The following CKAP2L variants were observed in gnomAD, a reference collection of about 807,000 sequenced individuals.
CKAP2L encodes the protein cytoskeleton associated protein 2L.
A neutral mutation model predicts 65.7 loss-of-function variants in CKAP2L; 42 were observed. The observed-to-expected ratio is 0.64, with a 90% CI of 0.50 to 0.83. The LOEUF is 0.83. Ranked by LOEUF, CKAP2L falls within the 40% of genes least tolerant of loss-of-function variation. CKAP2L has a pLI of 0.00. For synonymous variants in CKAP2L, 325 were observed against 313.5 expected (o/e 1.04, Z -0.39); for missense variants, 908 against 871.0 (o/e 1.04, Z -0.53).
intron 8 of CKAP2L, among the ~76,000 whole-genome samples, chr2:112,739,364 T>G (rs1226347392): frequency 6.6e-6 from 1 of 152,136 alleles, no homozygotes; most frequent in African/African-American, 2.4e-5. Flanking sequence ...AAGGCTGCAG[T>G]GAGCTATGAT....
intron 2 of CKAP2L, among the ~76,000 whole-genome samples, chr2:112,761,204 T>C (rs1233517652): frequency 6.6e-6 from 1 of 152,122 alleles, no homozygotes; most frequent in Non-Finnish European, 1.5e-5. Context: ...CTCACGCCTG[T>C]AATCCCAGCA....
intron 4 of CKAP2L, among the ~76,000 whole-genome samples, chr2:112,753,489 C>T (rs1286101739): frequency 4.6e-5 from 7 of 151,962 alleles, no homozygotes; most frequent in Middle Eastern, 3.4e-3. Flanking sequence ...TGTCACTCAC[C>T]CCCTCCAGGA....
chr2:112,738,700 A>T lies in CKAP2L; in HGVS notation c.*123T>A. 1 of 656,322 alleles carries T rather than the reference A, an allele frequency of 1.5e-6. No homozygotes were observed. Among genetic ancestry groups the T allele is most frequent in the Non-Finnish European group, 2.7e-6 (1 of 375,810 alleles). The allele number at this position is 656,322 out of a possible 1,614,324, so 40.7% of individuals were successfully genotyped here. Reference sequence around the variant, plus strand: ...TGAGAGTAAGCCCAGTGAATTACTTAAGTCCTGAGCGTCCATAATCTGCAT... The same window carrying T: ...TGAGAGTAAGCCCAGTGAATTACTTTAGTCCTGAGCGTCCATAATCTGCAT... On this transcript the variant is annotated 3_prime_UTR_variant, in exon 9 of 9. Transcript: ENST00000302450.
In CKAP2L at chr2:112,760,836, TA is replaced by T. The variant is rs145308153; in HGVS notation, c.105-73del. 4.0e-3 allele frequency: 3,077 copies of T among 765,632 alleles called. 70 individuals carry two copies. The African/African-American group carries it at 0.05, about 13-fold the overall frequency. The allele number at this position is 765,632 out of a possible 1,614,324, so 47.4% of individuals were successfully genotyped here. A position where few individuals can be genotyped will look rare whatever the true frequency, so the allele number is the denominator to read the frequency against. Reference sequence around the variant, plus strand: ...AGCTAAGCTTGGGAAGTACAGTGATTAAAAATTATGAATAGAATTTTAAATA... The same window carrying T: ...AGCTAAGCTTGGGAAGTACAGTGATTAAAATTATGAATAGAATTTTAAATA... On this transcript the variant is annotated intron_variant, in intron 2 of 8. Transcript: ENST00000302450.
rs750747463 is a variant in CKAP2L, at chr2:112,764,575, A to G, written c.24T>C (p.Ala8=). The G allele has an allele frequency of 5.0e-6, 8 of 1,614,166 alleles. No homozygotes were observed. The South Asian group carries it at 6.6e-5, about 13-fold the overall frequency. MVGPGPT[A]AAAVEERQRK... is the part of the protein sequence containing the mutation. Reference sequence around the variant, plus strand: ...GGTCGTACTCACCGACAGCGGCAGCAGCGGTAGGCCCGGGCCCCACCATGA... The same window carrying G: ...GGTCGTACTCACCGACAGCGGCAGCGGCGGTAGGCCCGGGCCCCACCATGA... The change falls in exon 1 of 9, where the codon GCT becomes GCC. Residue 8 remains alanine, a synonymous_variant. Coordinates refer to ENST00000302450, the MANE Select transcript of CKAP2L (RefSeq NM_152515.5).
intron 1 of CKAP2L, chr2:112,763,620 G>A (rs1045913016): frequency 6.6e-6 from 1 of 152,200 alleles, no homozygotes; most frequent in Admixed American, 6.5e-5. Flanking sequence ...GCATAAATGA[G>A]GGGAGTAGGT....
Position 112,752,358 on chromosome 2 carries a change from A to T in CKAP2L, c.1511T>A (p.Ile504Asn), listed in dbSNP as rs374262448. 1 of 1,613,354 alleles carries T rather than the reference A, an allele frequency of 6.2e-7. No homozygotes were observed. The highest frequency in any genetic ancestry group is 8.5e-7 in the Non-Finnish European group (1 of 1,179,466). ...TTTCTTTTCTTCCTCTTCTTTTTCA[A>T]TGCTCTTCCAGAATGAAATATTCAT... is the stretch of plus-strand genomic sequence containing the variant. ...KEMNISFWKS[I>N]EKEEEEKKAQ... Residue 504 changes from isoleucine to asparagine, a missense_variant, in exon 5 of 9, where the codon ATT becomes AAT. Ile to Asn is a moderately radical substitution (Grantham distance 149). Coordinates refer to ENST00000302450, the MANE Select transcript of CKAP2L (RefSeq NM_152515.5).
chr2:112,757,671 T>C (rs1680588214), intron 3 of CKAP2L, among the ~76,000 whole-genome samples: 1 of 152,222 alleles, frequency 6.6e-6, no homozygotes, highest in Non-Finnish European at 1.5e-5. Context: ...ATAACAGGTA[T>C]GAGCCACCAC....
intron 8 of CKAP2L, among the ~76,000 whole-genome samples, chr2:112,740,517 C>G (rs1318430045): frequency 6.6e-6 from 1 of 152,242 alleles, no homozygotes; most frequent in Non-Finnish European, 1.5e-5. Flanking sequence ...TTTTCTCCCA[C>G]AGCTACAGAG....
At chr2:112,745,541 G>T (rs1030954971) in intron 6 of CKAP2L, among the ~76,000 whole-genome samples, 7 of 152,004 alleles carry the variant, frequency 4.6e-5, no homozygotes, top group Non-Finnish European at 1.0e-4. Flanking sequence ...CACCACGCCC[G>T]GCTAACTTTT....
chr2:112,737,687 T>G lies in CKAP2L; in HGVS notation c.*1136A>C, dbSNP rs1224253581. ...ATCTGACTTTCAGAAATAGATCTGC[T>G]TCCCTTAAAAAAATCTAGTTCCTGG... On this transcript the variant is annotated 3_prime_UTR_variant, in exon 9 of 9. Coordinates refer to ENST00000302450, the MANE Select transcript of CKAP2L (RefSeq NM_152515.5). 1.3e-5 allele frequency: 2 copies of G among 152,188 alleles called. No individual in the cohort carries two copies. The highest frequency in any genetic ancestry group is 4.8e-5 in the African/African-American group (2 of 41,444). 9.4% of individuals were successfully genotyped at this position (152,188 alleles called of 1,614,324 possible).
At chr2:112,750,214 T>C (rs114144141) in intron 5 of CKAP2L, among the ~76,000 whole-genome samples, 2,464 of 152,244 alleles carry the variant, frequency 0.016, 66 homozygotes, top group African/African-American at 0.055. Context: ...TTCCTACAGT[T>C]ATCACATTAC....
intron 8 of CKAP2L, among the ~76,000 whole-genome samples, chr2:112,740,312 A>G (rs1296434750): frequency 6.6e-6 from 1 of 152,210 alleles, no homozygotes; most frequent in African/African-American, 2.4e-5. Context: ...TTTCCAGATC[A>G]TGATCAGAGA....
At chr2:112,742,823 T>G in intron 6 of CKAP2L, 54 bp from the exon 7 acceptor site, 1 of 1,310,766 alleles carries the variant, frequency 7.6e-7, no homozygotes, top group Non-Finnish European at 1.1e-6. Flanking sequence ...TGCAAAAAAT[T>G]TGCTAAGGAA....
In CKAP2L at chr2:112,756,461, T is replaced by C. The variant is rs1275053519; in HGVS notation, c.910A>G (p.Lys304Glu). ...KPVVKNIKDI[K>E]VNRSQYERPN... ...CTTTCATATTGACTCCTATTAACCT[T>C]TATATCTTTGATGTTCTTGACTACT... The change falls in exon 4 of 9, where the codon AAG (lysine) becomes GAG (glutamate). Residue 304 changes from lysine (K) to glutamate (E), a missense_variant. Physicochemically the swap from Lys to Glu is moderately conservative, Grantham distance 56. Coordinates refer to ENST00000302450, the MANE Select transcript of CKAP2L (RefSeq NM_152515.5). The C allele has an allele frequency of 6.2e-7, 1 of 1,612,818 alleles. No individual in the cohort carries two copies. Among genetic ancestry groups the C allele is most frequent in the Admixed American group, 1.7e-5 (1 of 59,740 alleles).
chr2:112,757,953 TA>T (rs1558763078), intron 3 of CKAP2L, among the ~76,000 whole-genome samples: 1 of 152,208 alleles, frequency 6.6e-6, no homozygotes, highest in East Asian at 1.9e-4. Context: ...ATATGTTTTT[TA>T]AACCACTGCC....
chr2:112,739,107 AT>A (rs1431905975), intron 8 of CKAP2L, 59 bp from the exon 9 acceptor site: 16 of 1,318,222 alleles, frequency 1.2e-5, no homozygotes, highest in South Asian at 1.2e-4. Flanking sequence ...TATCTTTATT[AT>A]TTTTTGTTTC....
At position 112,756,570 on chromosome 2, in the gene CKAP2L, A is replaced by T; in HGVS notation, c.801T>A (p.Leu267=). The change falls in exon 4 of 9, where the codon CTT becomes CTA. Residue 267 remains leucine (L), a synonymous_variant. Coordinates refer to ENST00000302450, the MANE Select transcript of CKAP2L (RefSeq NM_152515.5). The part of the protein sequence containing the change: ...KSQQLSRGAD[L]ARPGVKPSRT... ...TTGAGGGTTTTACTCCTGGTCTTGC[A>T]AGATCTGCTCCTCTAGAGAGTTGCT... 1 of 1,612,528 alleles carries T rather than the reference A, an allele frequency of 6.2e-7. No homozygotes were observed. The highest frequency in any genetic ancestry group is 8.5e-7 in the Non-Finnish European group (1 of 1,179,522).
chr2:112,758,926 G>A (rs1056333707), intron 3 of CKAP2L, among the ~76,000 whole-genome samples: 2 of 152,094 alleles, frequency 1.3e-5, no homozygotes, highest in East Asian at 1.9e-4. Flanking sequence ...CTTGGCAACC[G>A]CTAGTCTACT....
Sources: gnomAD v4.1 joint callset for allele counts (sites outside exome capture counted in the v4.1 genomes callset) on GRCh38, gnomAD v4.1.1 for gene constraint, MANE v1.5 for transcripts, NCBI Gene and HGNC (gene_info 2026-07-23, HGNC 2026-07-21) for gene names.